Variants in NRG1 observed in about 807,000 individuals in gnomAD.
NRG1 encodes neuregulin 1.
NRG1 carries 18 observed loss-of-function variants against 63.8 expected under a neutral mutation model. The observed-to-expected ratio is 0.28, with a 90% CI of 0.19 to 0.42. The LOEUF is 0.42. Among genes scored for constraint, NRG1 ranks in the 10% least tolerant of loss-of-function variants. NRG1 has a pLI of 1.00. For synonymous variants in NRG1, 302 were observed against 301.3 expected (o/e 1.00, Z -0.02); for missense variants, 762 against 814.7 (o/e 0.94, Z 0.79).
chr8:32,169,959 T>C (rs551997676), intron 1 of NRG1, among the ~76,000 whole-genome samples: 2 of 152,230 alleles, frequency 1.3e-5, no homozygotes, highest in South Asian at 4.2e-4. Context: ...GGTGTTCTTA[T>C]TGAAAGAGAA....
intron 1 of NRG1, among the ~76,000 whole-genome samples, chr8:31,729,653 C>T (rs1813818852): frequency 6.6e-6 from 1 of 152,084 alleles, no homozygotes. Flanking sequence ...ACTTATGCCC[C>T]ATCTTTTTCT....
At chr8:32,266,329 C>G (rs1024134420) in intron 1 of NRG1, among the ~76,000 whole-genome samples, 1 of 152,174 alleles carries the variant, frequency 6.6e-6, no homozygotes, top group Admixed American at 6.5e-5. Flanking sequence ...ACTTCCTCAT[C>G]CCTGAGGCAG....
intron 1 of NRG1, among the ~76,000 whole-genome samples, chr8:32,107,161 A>C (rs1831389858): frequency 6.6e-6 from 1 of 152,094 alleles, no homozygotes; most frequent in African/African-American, 2.4e-5. Flanking sequence ...GCTTGAACCC[A>C]GGAGGCGGAG....
At chr8:32,758,601 A>G (rs1255964097) in intron 9 of NRG1, among the ~76,000 whole-genome samples, 1 of 134,618 alleles carries the variant, frequency 7.4e-6, no homozygotes, top group Non-Finnish European at 1.6e-5. Context: ...AAAAAAAAAA[A>G]AGGAGAAGAA....
rs140722911 is a variant in NRG1, at chr8:32,751,387, C to A, written c.692-2985C>A. On this transcript the variant is annotated intron_variant, in intron 7 of 11. Coordinates refer to ENST00000356819, the Ensembl canonical transcript of NRG1. ...GCATTTGTGCTCATTGAGAGACAGA[C>A]CCACCGATCGGAATGACAGACTCTT... Among the ~76,000 whole-genome samples the A allele has an allele frequency of 4.9e-3, 749 of 152,236 alleles. 3 individuals carry two copies. The highest frequency in any genetic ancestry group is 6.5e-3 in the Non-Finnish European group (439 of 68,024).
At chr8:32,104,066 T>A (rs796932830) in intron 1 of NRG1, among the ~76,000 whole-genome samples, 1 of 152,184 alleles carries the variant, frequency 6.6e-6, no homozygotes, top group Admixed American at 6.5e-5. Flanking sequence ...GATACTTTGA[T>A]AAATGCATTA....
intron 1 of NRG1, among the ~76,000 whole-genome samples, chr8:32,143,470 G>A (rs920731268): frequency 6.6e-6 from 1 of 152,128 alleles, no homozygotes; most frequent in African/African-American, 2.4e-5. Flanking sequence ...GACCTTATTT[G>A]GTTGGTTTAC....
At chr8:32,372,436 A>C (rs1020125992) in intron 1 of NRG1, among the ~76,000 whole-genome samples, 1 of 152,196 alleles carries the variant, frequency 6.6e-6, no homozygotes, top group African/African-American at 2.4e-5. Context: ...CCTAGATTGC[A>C]GAATTTCATG....
chr8:32,509,332 G>A (rs1228052772), intron 1 of NRG1, among the ~76,000 whole-genome samples: 1 of 152,022 alleles, frequency 6.6e-6, no homozygotes, highest in African/African-American at 2.4e-5. Context: ...AGGCTCAAAT[G>A]AACCTCCCAC....
chr8:31,824,293 C>A (rs898117867), intron 1 of NRG1, among the ~76,000 whole-genome samples: 1 of 150,450 alleles, frequency 6.6e-6, no homozygotes, highest in Non-Finnish European at 1.5e-5. Context: ...TTTGTCCTTG[C>A]GATAGTTTGC....
intron 1 of NRG1, among the ~76,000 whole-genome samples, chr8:32,181,061 G>A (rs1161545792): frequency 6.6e-6 from 1 of 152,108 alleles, no homozygotes; most frequent in Non-Finnish European, 1.5e-5. Context: ...TCATATTACT[G>A]TGGTTTTGGT....
At chr8:32,736,059 T>A (rs1824976579) in intron 6 of NRG1, among the ~76,000 whole-genome samples, 1 of 152,040 alleles carries the variant, frequency 6.6e-6, no homozygotes, top group Admixed American at 6.6e-5. Context: ...TGGTGAGATA[T>A]AGGTTGGATC....
At chr8:32,115,100 C>G (rs1481738) in intron 1 of NRG1, among the ~76,000 whole-genome samples, 81,386 of 151,454 alleles carry the variant, frequency 0.54, 22,260 homozygotes, top group South Asian at 0.59. Flanking sequence ...GCATGATCTT[C>G]GCTCACTGCA....
chr8:32,608,249 G>T lies in NRG1; in HGVS notation c.400+2566G>T, dbSNP rs141407913. Reference sequence around the variant, plus strand: ...GCTAGGGTGCAGAGGTGTGATCTTGGCTCACTGCAACCTCTGACTCCTGGA... The same window carrying T: ...GCTAGGGTGCAGAGGTGTGATCTTGTCTCACTGCAACCTCTGACTCCTGGA... On this transcript the variant is annotated intron_variant, in intron 3 of 11. Coordinates refer to ENST00000356819, the Ensembl canonical transcript of NRG1. Among the ~76,000 whole-genome samples, 13 of 151,354 alleles carry T rather than the reference G, an allele frequency of 8.6e-5. No homozygotes were observed. The East Asian group carries it at 2.0e-3, about 23-fold the overall frequency.
At chr8:32,351,967 G>A (rs1249504799) in intron 1 of NRG1, among the ~76,000 whole-genome samples, 2 of 151,978 alleles carry the variant, frequency 1.3e-5, no homozygotes, top group Non-Finnish European at 2.9e-5. Context: ...AACTTCAGAT[G>A]TTAAAGAAGT....
intron 1 of NRG1, among the ~76,000 whole-genome samples, chr8:31,821,019 T>C (rs531566639): frequency 6.6e-6 from 1 of 152,216 alleles, no homozygotes; most frequent in Non-Finnish European, 1.5e-5. Context: ...AGTATTTGCA[T>C]GTAATCTAGC....
intron 1 of NRG1, among the ~76,000 whole-genome samples, chr8:32,178,901 C>G (rs1401412245): frequency 6.6e-6 from 1 of 151,664 alleles, no homozygotes. Flanking sequence ...AAAAAAAAAT[C>G]ACCGTTGTAG....
intron 5 of NRG1, among the ~76,000 whole-genome samples, chr8:32,663,679 G>C (rs551124443): frequency 6.6e-6 from 1 of 152,198 alleles, no homozygotes; most frequent in African/African-American, 2.4e-5. Context: ...CAAAAAGGAG[G>C]TTATCAAGAG....
intron 1 of NRG1, among the ~76,000 whole-genome samples, chr8:32,448,053 G>T (rs1820493539): frequency 6.6e-6 from 1 of 151,996 alleles, no homozygotes; most frequent in Non-Finnish European, 1.5e-5. Context: ...TATTACTCTG[G>T]CTTTCCTAAG....
Sources: allele counts gnomAD v4.1 joint callset (sites outside exome capture counted in the v4.1 genomes callset), GRCh38; gene constraint gnomAD v4.1.1; transcripts MANE v1.5; gene names NCBI Gene and HGNC (gene_info 2026-07-23, HGNC 2026-07-21).